The following BNC2 variants were observed in gnomAD, a reference collection of about 807,000 sequenced individuals.
BNC2 encodes the protein zinc finger protein basonuclin-2.
BNC2 carries 20 observed loss-of-function variants against 76.3 expected under a neutral mutation model. The ratio of observed to expected loss-of-function variants is 0.26; its 90% CI spans 0.18 to 0.38. BNC2 has a LOEUF of 0.38. BNC2 is among the 10% of genes least tolerant of loss of function. The pLI is 1.00. For missense variants in BNC2, 1,382 were observed against 1,399.8 expected, an observed-to-expected ratio of 0.99 and a Z score of 0.20; for synonymous variants, 582 against 514.8, an observed-to-expected ratio of 1.13 and a Z score of -1.77.
At chr9:16,438,483 T>C (rs1015130262) in intron 5 of BNC2, among the ~76,000 whole-genome samples, 1 of 152,124 alleles carries the variant, frequency 6.6e-6, no homozygotes, top group South Asian at 2.1e-4. Context: ...CCAGTAACTA[T>C]GAGATTTGCC....
chr9:16,659,370 G>T (rs10962524), intron 3 of BNC2, among the ~76,000 whole-genome samples: 2 of 152,064 alleles, frequency 1.3e-5, no homozygotes, highest in African/African-American at 4.8e-5. Flanking sequence ...AGCACTTTGG[G>T]GGGCCGAGGT....
Position 16,417,028 on chromosome 9 carries a change from A to G in BNC2, c.*1961T>C, listed in dbSNP as rs1328754128. On this transcript the variant is annotated 3_prime_UTR_variant, in exon 7 of 7. Coordinates refer to ENST00000380672, the MANE Select transcript of BNC2 (RefSeq NM_017637.6). ...GATATTTCTAACTTTTAGACTGATG[A>G]AAGAAATGTCTGAGGCCATTAAATG... The G allele has an allele frequency of 2.0e-5, 3 of 152,766 alleles. No individual in the cohort carries two copies. The highest frequency in any genetic ancestry group is 1.9e-4 in the East Asian group (1 of 5,182). The allele number at this position is 152,766 out of a possible 1,614,324, so 9.5% of individuals were successfully genotyped here.
chr9:16,626,561 G>A (rs4961727), intron 3 of BNC2, among the ~76,000 whole-genome samples: 84,580 of 151,776 alleles, frequency 0.56, 25,378 homozygotes, highest in African/African-American at 0.79. Context: ...CAACAACAAA[G>A]ACAGAGACCT....
intron 4 of BNC2, among the ~76,000 whole-genome samples, chr9:16,571,778 C>T (rs1323513549): frequency 6.6e-6 from 1 of 152,066 alleles, no homozygotes; most frequent in African/African-American, 2.4e-5. Context: ...TTTGTCTCCT[C>T]TGATCCTACG....
chr9:16,474,765 G>C (rs1365171841), intron 5 of BNC2, among the ~76,000 whole-genome samples: 1 of 151,960 alleles, frequency 6.6e-6, no homozygotes. Context: ...TAACTACTCA[G>C]AGAATATCCC....
Position 16,582,980 on chromosome 9 carries a change from C to T in BNC2, c.433+3G>A. The stretch of plus-strand genomic sequence containing the variant: ...CGGGAAGAAAAGCCCAGATTTTCCT[C>T]ACCATGTGCCACCCAGCCATGTTTA... On this transcript the variant is annotated splice_donor_region_variant and intron_variant, in intron 4 of 6. Coordinates refer to ENST00000380672, the MANE Select transcript of BNC2 (RefSeq NM_017637.6). The T allele has an allele frequency of 1.2e-6, 2 of 1,612,082 alleles. No individual in the cohort carries two copies. The highest frequency in any genetic ancestry group is 1.7e-6 in the Non-Finnish European group (2 of 1,178,502).
At chr9:16,793,854 G>GTTTTT in intron 1 of BNC2, among the ~76,000 whole-genome samples, 1 of 85,592 alleles carries the variant, frequency 1.2e-5, no homozygotes, top group African/African-American at 3.2e-5. Flanking sequence ...GTTTTTTGTG[G>GTTTTT]TTTTTGTTTT....
intron 3 of BNC2, among the ~76,000 whole-genome samples, chr9:16,695,093 C>T (rs1823298245): frequency 2.0e-5 from 3 of 152,142 alleles, no homozygotes; most frequent in Admixed American, 6.5e-5. Flanking sequence ...CCAAACTGAA[C>T]ATACTTTACC....
intron 1 of BNC2, among the ~76,000 whole-genome samples, chr9:16,760,017 G>A (rs1404587912): frequency 2.0e-5 from 3 of 152,186 alleles, no homozygotes; most frequent in Admixed American, 6.5e-5. Context: ...GCCACCGCGC[G>A]GGGCCAGAGA....
chr9:16,479,374 C>T (rs962683388), intron 5 of BNC2, among the ~76,000 whole-genome samples: 1 of 151,972 alleles, frequency 6.6e-6, no homozygotes, highest in Non-Finnish European at 1.5e-5. Flanking sequence ...TGTTTCAGAC[C>T]ACTTCAACTG....
Position 16,665,608 on chromosome 9 carries a change from G to GT in BNC2, c.330+62188dup, listed in dbSNP as rs1491217918. ...CTATTTTATGCTACTAAGCATGAAA[G>GT]TGTGTTTAATATTTGACTAGCATCA... On this transcript the variant is annotated intron_variant, in intron 3 of 6. Transcript: ENST00000380672. 4.6e-5 allele frequency among the ~76,000 whole-genome samples: 7 copies of GT among 152,260 alleles called. No homozygotes were observed. The South Asian group carries it at 1.4e-3, about 32-fold the overall frequency.
At chr9:16,703,002 T>G (rs1234368333) in intron 3 of BNC2, among the ~76,000 whole-genome samples, 2 of 152,118 alleles carry the variant, frequency 1.3e-5, no homozygotes, top group Non-Finnish European at 1.5e-5. Context: ...AAAGAACAAG[T>G]GATGATATTT....
intron 4 of BNC2, among the ~76,000 whole-genome samples, chr9:16,578,706 C>G (rs1487856717): frequency 1.3e-5 from 2 of 151,904 alleles, no homozygotes; most frequent in Non-Finnish European, 2.9e-5. Context: ...ATCCTGATAT[C>G]TTAATCTTAT....
intron 5 of BNC2, among the ~76,000 whole-genome samples, chr9:16,510,021 G>A (rs1822716512): frequency 6.6e-6 from 1 of 152,180 alleles, no homozygotes; most frequent in Admixed American, 6.6e-5. Flanking sequence ...TCTAGCAAAT[G>A]GCTAAAAGAC....
chr9:16,870,311 A>C (rs1232197587), intron 1 of BNC2, among the ~76,000 whole-genome samples: 1 of 139,686 alleles, frequency 7.2e-6, no homozygotes, highest in African/African-American at 2.7e-5. Context: ...GCCCGTCCCC[A>C]ACGCCCTGGA....
chr9:16,771,098 G>C (rs1028506338), intron 1 of BNC2, among the ~76,000 whole-genome samples: 2 of 152,144 alleles, frequency 1.3e-5, no homozygotes, highest in Admixed American at 6.5e-5. Context: ...GAACCCAGGA[G>C]ACAGAGGTTG....
intron 3 of BNC2, among the ~76,000 whole-genome samples, chr9:16,664,857 T>C (rs1453095135): frequency 1.5e-5 from 1 of 67,174 alleles, no homozygotes; most frequent in Non-Finnish European, 3.1e-5. Flanking sequence ...AGCACCAGAA[T>C]GCTTCACCTA....
intron 1 of BNC2, among the ~76,000 whole-genome samples, chr9:16,751,848 G>A (rs1417743936): frequency 1.3e-5 from 2 of 151,822 alleles, no homozygotes; most frequent in African/African-American, 2.4e-5. Flanking sequence ...TGGCCAACAT[G>A]GTGAAACCCC....
intron 5 of BNC2, among the ~76,000 whole-genome samples, chr9:16,441,553 G>T (rs905406151): frequency 6.6e-6 from 1 of 152,162 alleles, no homozygotes; most frequent in East Asian, 1.9e-4. Context: ...AGTATGGTTT[G>T]GTGCTTTGAT....
Sources: gnomAD v4.1 joint callset for allele counts (sites outside exome capture counted in the v4.1 genomes callset) on GRCh38, gnomAD v4.1.1 for gene constraint, MANE v1.5 for transcripts, NCBI Gene and HGNC (gene_info 2026-07-23, HGNC 2026-07-21) for gene names.